GABRR3: variants seen among roughly 807,000 people sequenced by gnomAD.
GABRR3 encodes the protein gamma-aminobutyric acid type A receptor subunit rho3, also known as gamma-aminobutyric acid receptor subunit rho-3.
Under a neutral mutation model 43.2 loss-of-function variants are expected in GABRR3, and 29 were observed. That is an observed-to-expected ratio of 0.67 (90% CI 0.50 to 0.92). The LOEUF (loss-of-function observed/expected upper bound fraction) is 0.92, where lower values mean the gene tolerates loss of function less well. Ranked by LOEUF, GABRR3 falls within the 40% of genes least tolerant of loss-of-function variation. The pLI is 0.00. For missense variants in GABRR3, 576 were observed against 572.3 expected (o/e 1.01, Z -0.07); for synonymous variants, 206 against 195.9 (o/e 1.05, Z -0.43).
At chr3:98,002,121 G>C (rs1706654901) in intron 7 of GABRR3, among the ~76,000 whole-genome samples, 1 of 151,874 alleles carries the variant, frequency 6.6e-6, no homozygotes, top group Non-Finnish European at 1.5e-5. Flanking sequence ...TGGCATAAAA[G>C]AACCAATAAA....
intron 6 of GABRR3, 156 bp downstream of exon 6, chr3:98,008,798 CAA>C (rs57502092): frequency 0.011 from 1,217 of 113,822 alleles, 11 homozygotes; most frequent in African/African-American, 0.021. Flanking sequence ...AAACAGAAAC[CAA>C]AAAAAAAAAA....
chr3:98,026,676 A>G (rs1707023369), intron 2 of GABRR3, among the ~76,000 whole-genome samples: 1 of 148,088 alleles, frequency 6.8e-6, no homozygotes, highest in Non-Finnish European at 1.5e-5. Flanking sequence ...ATAACGCAAG[A>G]CCCTGAGGGC....
chr3:98,021,426 T>G (rs532770528), intron 3 of GABRR3, among the ~76,000 whole-genome samples: 9 of 152,272 alleles, frequency 5.9e-5, no homozygotes, highest in Admixed American at 2.0e-4. Context: ...TAAACCTGAG[T>G]TAGTACCAAA....
At chr3:98,016,942 G>GA (rs1200577443) in intron 4 of GABRR3, among the ~76,000 whole-genome samples, 1 of 152,138 alleles carries the variant, frequency 6.6e-6, no homozygotes, top group Admixed American at 6.5e-5. Context: ...GTGATTAAGG[G>GA]ACGGGAAGAA....
intron 9 of GABRR3, among the ~76,000 whole-genome samples, chr3:97,987,212 T>C (rs1706399388): frequency 6.6e-6 from 1 of 152,214 alleles, no homozygotes; most frequent in Non-Finnish European, 1.5e-5. Flanking sequence ...CCATTTATGC[T>C]TAAACTGGGG....
chr3:97,998,668 T>C (rs1299278956), intron 8 of GABRR3: 1 of 152,134 alleles, frequency 6.6e-6, no homozygotes, highest in Non-Finnish European at 1.5e-5. Flanking sequence ...GATTTCTCCC[T>C]GTATTTCAAC....
Position 97,993,189 on chromosome 3 carries a change from C to G in GABRR3, c.908-141G>C, listed in dbSNP as rs1706494495. 3 of 560,236 alleles carry G rather than the reference C, an allele frequency of 5.4e-6. No individual in the cohort carries two copies. In the African/African-American group the frequency reaches 5.7e-5, roughly 11 times the overall value. 34.7% of individuals were successfully genotyped at this position (560,236 alleles called of 1,614,324 possible). A position where few individuals can be genotyped will look rare whatever the true frequency, so the allele number is the denominator to read the frequency against. ...GGAGGGAAGGTGTGTGCATGTTGACCAGCTATATATCTTGAGCCTAAACAA... is the reference window on the plus strand; with the variant it reads ...GGAGGGAAGGTGTGTGCATGTTGACGAGCTATATATCTTGAGCCTAAACAA... On this transcript the variant is annotated intron_variant, in intron 8 of 9. Coordinates refer to ENST00000621172, the Ensembl canonical transcript of GABRR3.
exon 8 of GABRR3, chr3:98,001,673 C>T: frequency 6.2e-7 from 1 of 1,613,340 alleles, no homozygotes; most frequent in East Asian, 2.2e-5. Flanking sequence ...CCCATGAAAG[C>T]ATCACCATCA....
At chr3:98,012,218 G>T in intron 5 of GABRR3, 126 bp downstream of exon 5, 1 of 687,452 alleles carries the variant, frequency 1.5e-6, no homozygotes. Context: ...TTATGCTTGT[G>T]TCCCAATCTC....
exon 5 of GABRR3, chr3:98,012,541 C>A: frequency 1.9e-6 from 3 of 1,613,650 alleles, no homozygotes; most frequent in Non-Finnish European, 2.5e-6. Context: ...TCCAGTAATG[C>A]CTGAGATAAA....
intron 9 of GABRR3, among the ~76,000 whole-genome samples, chr3:97,990,205 A>G (rs907348228): frequency 6.6e-6 from 1 of 152,308 alleles, no homozygotes. Flanking sequence ...CCCTTTTACT[A>G]TATCACTTGA....
intron 8 of GABRR3, among the ~76,000 whole-genome samples, chr3:97,996,840 C>T (rs1418529593): frequency 1.3e-5 from 2 of 152,080 alleles, no homozygotes; most frequent in Admixed American, 6.6e-5. Context: ...TGCTATGCAC[C>T]CTCTACTGCT....
chr3:98,017,317 G>A (rs1425897275), intron 4 of GABRR3, among the ~76,000 whole-genome samples: 1 of 152,092 alleles, frequency 6.6e-6, no homozygotes, highest in Non-Finnish European at 1.5e-5. Context: ...CTCATGATTC[G>A]GATTTCATAT....
chr3:98,031,337 A>C (rs971746301), intron 2 of GABRR3, among the ~76,000 whole-genome samples: 1 of 152,194 alleles, frequency 6.6e-6, no homozygotes, highest in Admixed American at 6.5e-5. Context: ...GACATTTTTA[A>C]AAAATGGTTC....
exon 10 of GABRR3, chr3:97,986,795 T>C (rs751122325): frequency 2.5e-6 from 4 of 1,611,636 alleles, no homozygotes; most frequent in Non-Finnish European, 3.4e-6. Flanking sequence ...TCTACCAACA[T>C]GTCCTCCTAG....
chr3:98,001,072 C>A (rs910161065), intron 8 of GABRR3: 2 of 153,062 alleles, frequency 1.3e-5, no homozygotes, highest in African/African-American at 4.8e-5. Flanking sequence ...ACCTGAAATT[C>A]CACTGTGGTT....
intron 3 of GABRR3, among the ~76,000 whole-genome samples, chr3:98,022,444 C>T (rs1317399308): frequency 2.6e-5 from 4 of 152,090 alleles, no homozygotes; most frequent in African/African-American, 4.8e-5. Flanking sequence ...ACATTTAGCT[C>T]AAGAGGGAAA....
At chr3:97,996,276 T>A (rs149883965) in intron 8 of GABRR3, among the ~76,000 whole-genome samples, 235 of 152,280 alleles carry the variant, frequency 1.5e-3, no homozygotes, top group African/African-American at 5.4e-3. Context: ...AACGAAAATA[T>A]TACATGATAT....
At chr3:97,997,801 T>C (rs1352114738) in intron 8 of GABRR3, 1 of 152,188 alleles carries the variant, frequency 6.6e-6, no homozygotes, top group Admixed American at 6.6e-5. Flanking sequence ...AGAGCTGAGA[T>C]CTCATGAAAT....
Sources: gnomAD v4.1 joint callset for allele counts (sites outside exome capture counted in the v4.1 genomes callset) on GRCh38, gnomAD v4.1.1 for gene constraint, MANE v1.5 for transcripts, NCBI Gene and HGNC (gene_info 2026-07-23, HGNC 2026-07-21) for gene names.